The following ALMS1 variants were observed in gnomAD, a reference collection of about 807,000 sequenced individuals.
ALMS1 encodes the protein ALMS1 centrosome and basal body associated protein.
Under a neutral mutation model 352.2 loss-of-function variants are expected in ALMS1, and 271 were observed. That is an observed-to-expected ratio of 0.77 (90% CI 0.70 to 0.85). The LOEUF is 0.85. Ranked by LOEUF, ALMS1 falls within the 40% of genes least tolerant of loss-of-function variation. ALMS1 has a pLI of 0.00. For synonymous variants in ALMS1, 1,865 were observed against 1,761.2 expected, an observed-to-expected ratio of 1.06 and a Z score of -1.48; for missense variants, 5,445 against 4,870.7, an observed-to-expected ratio of 1.12 and a Z score of -3.51.
At chr2:73,605,843 C>CAA (rs1170715468) in intron 21 of ALMS1, among the ~76,000 whole-genome samples, 2 of 119,890 alleles carry the variant, frequency 1.7e-5, no homozygotes, top group Non-Finnish European at 3.6e-5. Flanking sequence ...AACTCTGTCT[C>CAA]AAAAAAAAAA....
chr2:73,508,359 C>T (rs920175055), intron 10 of ALMS1, among the ~76,000 whole-genome samples: 6 of 151,778 alleles, frequency 4.0e-5, no homozygotes, highest in South Asian at 2.1e-4. Flanking sequence ...CCTGCCACCA[C>T]GCCTGGCTAA....
intron 11 of ALMS1, among the ~76,000 whole-genome samples, chr2:73,534,579 C>T (rs1490197102): frequency 6.6e-6 from 1 of 152,088 alleles, no homozygotes; most frequent in Non-Finnish European, 1.5e-5. Flanking sequence ...TCTATATTTT[C>T]CCTGTATCAC....
rs373197916 is a variant in ALMS1, at chr2:73,422,815, A to G, written c.647-42A>G. On this transcript the variant is annotated intron_variant, in intron 3 of 22. Coordinates refer to ENST00000613296, the MANE Select transcript of ALMS1 (RefSeq NM_001378454.1). Reference sequence around the variant, plus strand: ...TATTATATACGTAAGTAAATAATCAATTTTCAGCATTACCCAGCATTTAAT... The same window carrying G: ...TATTATATACGTAAGTAAATAATCAGTTTTCAGCATTACCCAGCATTTAAT... 53 of 1,492,096 alleles carry G rather than the reference A, an allele frequency of 3.6e-5. No individual in the cohort carries two copies. In the African/African-American group the frequency reaches 6.0e-4, roughly 17 times the overall value. 92.4% of individuals were successfully genotyped at this position (1,492,096 alleles called of 1,614,324 possible).
intron 2 of ALMS1, among the ~76,000 whole-genome samples, chr2:73,418,665 G>C (rs1321287142): frequency 6.6e-6 from 1 of 152,146 alleles, no homozygotes; most frequent in Non-Finnish European, 1.5e-5. Flanking sequence ...CCTTTTTGTA[G>C]TAAAATGAAT....
chr2:73,573,033 A>G lies in ALMS1; in HGVS notation c.11156A>G (p.Tyr3719Cys). The G allele has an allele frequency of 6.2e-7, 1 of 1,614,054 alleles. No individual in the cohort carries two copies. Among genetic ancestry groups the G allele is most frequent in the Non-Finnish European group, 8.5e-7 (1 of 1,179,984 alleles). Reference sequence around the variant, plus strand: ...ATTGAACAGATTAAATTTGATAAATATATTCTGAGTAAACAGCCAGGTTTT... The same window carrying G: ...ATTGAACAGATTAAATTTGATAAATGTATTCTGAGTAAACAGCCAGGTTTT... ...IKIEQIKFDKYILSKQPGFNY... is the reference protein window; with the variant it reads ...IKIEQIKFDKCILSKQPGFNY... Residue 3719 changes from tyrosine (Y) to cysteine (C), a missense_variant, in exon 16 of 23, where the codon TAT (tyrosine) becomes TGT (cysteine). Physicochemically the swap from Tyr to Cys is radical, Grantham distance 194. Coordinates refer to ENST00000613296, the MANE Select transcript of ALMS1 (RefSeq NM_001378454.1).
At chr2:73,565,655 AGCC>A (rs1674786610) in intron 15 of ALMS1, among the ~76,000 whole-genome samples, 1 of 152,222 alleles carries the variant, frequency 6.6e-6, no homozygotes, top group African/African-American at 2.4e-5. Context: ...ACACTGGCTC[AGCC>A]GGGTCATCAA....
intron 3 of ALMS1, 128 bp from the exon 4 acceptor site, chr2:73,422,728 TA>T (rs1303924766): frequency 1.3e-6 from 1 of 791,816 alleles, no homozygotes; most frequent in African/African-American, 1.7e-5. Context: ...CTGTTGCTTT[TA>T]TATTATTATT....
At chr2:73,557,481 CAT>C in intron 14 of ALMS1, 127 bp downstream of exon 14, 1 of 1,223,252 alleles carries the variant, frequency 8.2e-7, no homozygotes, top group Non-Finnish European at 1.2e-6. Context: ...TCTTCTATCT[CAT>C]GTATATATGA....
intron 16 of ALMS1, among the ~76,000 whole-genome samples, chr2:73,575,940 TAA>T (rs1558701009): frequency 1.5e-4 from 23 of 152,244 alleles, no homozygotes; most frequent in Non-Finnish European, 1.5e-5. Flanking sequence ...CTTAAGAGTT[TAA>T]TAATTTTAGC....
chr2:73,493,549 C>T (rs975350801), intron 10 of ALMS1, among the ~76,000 whole-genome samples: 2 of 151,810 alleles, frequency 1.3e-5, no homozygotes, highest in African/African-American at 4.8e-5. Context: ...ATGGAGAAGC[C>T]CCATCTCTAC....
chr2:73,511,574 G>A (rs570534594), intron 10 of ALMS1, among the ~76,000 whole-genome samples: 2 of 152,186 alleles, frequency 1.3e-5, no homozygotes, highest in African/African-American at 4.8e-5. Flanking sequence ...CTTCTGCGTT[G>A]GTCTTGCTGG....
chr2:73,499,091 G>T (rs541262882), intron 10 of ALMS1, among the ~76,000 whole-genome samples: 4 of 152,032 alleles, frequency 2.6e-5, no homozygotes, highest in Middle Eastern at 6.8e-3. Flanking sequence ...TTTTCTCCAC[G>T]TCTTCACCAG....
At chr2:73,402,199 A>C (rs1187780929) in intron 1 of ALMS1, among the ~76,000 whole-genome samples, 1 of 144,620 alleles carries the variant, frequency 6.9e-6, no homozygotes, top group African/African-American at 2.6e-5. Context: ...TTAGGTTTTT[A>C]CCCAGAAATG....
Position 73,599,421 on chromosome 2 carries a change from TTCTGAC to T in ALMS1, c.11572_11577del (p.Asp3858_Ser3859del). ...TCTAGGTAGCAAACCATGTGATTTC[TTCTGAC>T]TCTATTTCCTCTTCTGCCAGTAGTT... On this transcript the variant is annotated inframe_deletion, in exon 17 of 23. Coordinates refer to ENST00000613296, the MANE Select transcript of ALMS1 (RefSeq NM_001378454.1). 1 of 1,613,410 alleles carries T rather than the reference TTCTGAC, an allele frequency of 6.2e-7. No homozygotes were observed. The highest frequency in any genetic ancestry group is 8.5e-7 in the Non-Finnish European group (1 of 1,179,702).
intron 16 of ALMS1, among the ~76,000 whole-genome samples, chr2:73,592,519 A>G (rs1675455034): frequency 6.6e-6 from 1 of 152,138 alleles, no homozygotes; most frequent in African/African-American, 2.4e-5. Context: ...TGTTTTATCA[A>G]TGTGTGTCTC....
rs999878584 is a variant in ALMS1 at position 73,601,581 on chromosome 2, G to T, written c.12114+145G>T. 5 of 1,322,100 alleles carry T rather than the reference G, an allele frequency of 3.8e-6. No individual in the cohort carries two copies. In the African/African-American group the frequency reaches 5.8e-5, roughly 15 times the overall value. 81.9% of individuals were successfully genotyped at this position (1,322,100 alleles called of 1,614,324 possible). A position where few individuals can be genotyped will look rare whatever the true frequency, so the allele number is the denominator to read the frequency against. On this transcript the variant is annotated intron_variant, in intron 19 of 22. Transcript: ENST00000613296. ...ACCTCCGCAGTTCACCTGTTTTCACGCACGAGGGTTGGGTTTCTCATCATC... is the reference window on the plus strand; with the variant it reads ...ACCTCCGCAGTTCACCTGTTTTCACTCACGAGGGTTGGGTTTCTCATCATC...
At chr2:73,404,900 T>A (rs1670942011) in intron 1 of ALMS1, among the ~76,000 whole-genome samples, 3 of 79,282 alleles carry the variant, frequency 3.8e-5, no homozygotes, top group Non-Finnish European at 6.9e-5. Flanking sequence ...GTCCTGGACC[T>A]TTTTTTTTTT....
At chr2:73,540,989 C>G (rs910370583) in intron 12 of ALMS1, among the ~76,000 whole-genome samples, 1 of 152,154 alleles carries the variant, frequency 6.6e-6, no homozygotes, top group Non-Finnish European at 1.5e-5. Context: ...CAAGGCTATC[C>G]AGGAATTGAA....
At chr2:73,516,965 C>T (rs1673570609) in intron 10 of ALMS1, among the ~76,000 whole-genome samples, 3 of 152,054 alleles carry the variant, frequency 2.0e-5, no homozygotes, top group Admixed American at 2.0e-4. Context: ...CAGGCCTCTC[C>T]ATCTAGTGGG....
Sources: allele counts gnomAD v4.1 joint callset (sites outside exome capture counted in the v4.1 genomes callset), GRCh38; gene constraint gnomAD v4.1.1; transcripts MANE v1.5; gene names NCBI Gene and HGNC (gene_info 2026-07-23, HGNC 2026-07-21).